Variants in NEGR1 observed in about 807,000 individuals in gnomAD.
The protein encoded by NEGR1 is IgLON family member 4.
NEGR1 carries 10 observed loss-of-function variants against 40.9 expected under a neutral mutation model. That is an observed-to-expected ratio of 0.24 (90% CI 0.15 to 0.42). The LOEUF is 0.42. Among genes scored for constraint, NEGR1 ranks in the 10% least tolerant of loss-of-function variants. The probability of loss-of-function intolerance (pLI) is 1.00; values close to 1 mark genes in which losing one functional copy is unlikely to be tolerated. For synonymous variants in NEGR1, 185 were observed against 166.8 expected, an observed-to-expected ratio of 1.11 and a Z score of -0.84; for missense variants, 352 against 438.9, an observed-to-expected ratio of 0.80 and a Z score of 1.77.
At chr1:72,252,167 G>A (rs1655123204) in intron 1 of NEGR1, among the ~76,000 whole-genome samples, 1 of 126,600 alleles carries the variant, frequency 7.9e-6, no homozygotes, top group African/African-American at 5.7e-5. Flanking sequence ...GTGCAATGGG[G>A]CGATGTAGCT....
intron 6 of NEGR1, among the ~76,000 whole-genome samples, chr1:71,582,636 T>C (rs369635473): frequency 9.9e-5 from 15 of 152,224 alleles, no homozygotes; most frequent in Admixed American, 8.5e-4. Context: ...TCAAAACAAA[T>C]ATGAAAACAA....
chr1:71,906,161 C>A (rs1422709621), intron 2 of NEGR1, among the ~76,000 whole-genome samples: 1 of 152,092 alleles, frequency 6.6e-6, no homozygotes, highest in Non-Finnish European at 1.5e-5. Flanking sequence ...CTGCCCAATT[C>A]ATAAGCCATT....
At chr1:72,201,548 T>G (rs1419401349) in intron 1 of NEGR1, among the ~76,000 whole-genome samples, 1 of 151,832 alleles carries the variant, frequency 6.6e-6, no homozygotes, top group African/African-American at 2.4e-5. Flanking sequence ...TATGGACAGC[T>G]TGGACGAAGT....
intron 1 of NEGR1, among the ~76,000 whole-genome samples, chr1:72,112,993 C>G: frequency 6.6e-6 from 1 of 151,664 alleles, no homozygotes; most frequent in African/African-American, 2.4e-5. Context: ...TTCTTTTTGG[C>G]AAGAAGTCTC....
intron 1 of NEGR1, among the ~76,000 whole-genome samples, chr1:72,221,174 A>G (rs1161770094): frequency 6.6e-6 from 1 of 152,110 alleles, no homozygotes; most frequent in African/African-American, 2.4e-5. Context: ...TCTTATCATC[A>G]TATGGCCTTC....
At chr1:71,962,983 C>T (rs145530484) in intron 1 of NEGR1, among the ~76,000 whole-genome samples, 9 of 152,110 alleles carry the variant, frequency 5.9e-5, no homozygotes, top group Admixed American at 1.3e-4. Flanking sequence ...AATACTCACT[C>T]TTTGTTCTAA....
At chr1:71,681,742 T>C (rs1227955167) in intron 4 of NEGR1, among the ~76,000 whole-genome samples, 2 of 152,190 alleles carry the variant, frequency 1.3e-5, no homozygotes, top group African/African-American at 4.8e-5. Context: ...GAATTATACT[T>C]TATACATTTT....
intron 4 of NEGR1, among the ~76,000 whole-genome samples, chr1:71,640,796 A>G (rs1315786464): frequency 2.0e-5 from 3 of 152,094 alleles, no homozygotes; most frequent in Admixed American, 6.6e-5. Context: ...TATCTTCTCT[A>G]TTAATAGATT....
intron 4 of NEGR1, among the ~76,000 whole-genome samples, chr1:71,618,743 T>C (rs950222519): frequency 1.3e-5 from 2 of 152,134 alleles, no homozygotes; most frequent in Non-Finnish European, 2.9e-5. Flanking sequence ...CCACAGTCCA[T>C]AGAAAAATTG....
intron 6 of NEGR1, among the ~76,000 whole-genome samples, chr1:71,579,558 C>T (rs1275415209): frequency 6.6e-6 from 1 of 150,630 alleles, no homozygotes; most frequent in African/African-American, 2.4e-5. Context: ...AATACAACTA[C>T]TTAAGTTTTT....
chr1:71,683,388 A>G (rs1462702365), intron 4 of NEGR1, among the ~76,000 whole-genome samples: 1 of 152,062 alleles, frequency 6.6e-6, no homozygotes. Flanking sequence ...AATCATTTTT[A>G]TAGTTTCTTA....
intron 1 of NEGR1, among the ~76,000 whole-genome samples, chr1:72,180,663 C>T (rs1652333346): frequency 6.6e-6 from 1 of 152,032 alleles, no homozygotes; most frequent in African/African-American, 2.4e-5. Flanking sequence ...CCCGAACAGA[C>T]ATTTCTCCGA....
At chr1:71,541,170 C>T (rs1194914668) in intron 6 of NEGR1, among the ~76,000 whole-genome samples, 1 of 151,588 alleles carries the variant, frequency 6.6e-6, no homozygotes, top group Admixed American at 6.6e-5. Context: ...CTGCCATAAA[C>T]TAGCTGTGAT....
chr1:71,401,365 C>T lies in NEGR1; in HGVS notation c.*6081G>A, dbSNP rs1455877791. 6.6e-6 allele frequency: 1 copy of T among 152,072 alleles called. No homozygotes were observed. The allele number at this position is 152,072 out of a possible 1,614,324, so 9.4% of individuals were successfully genotyped here. On this transcript the variant is annotated 3_prime_UTR_variant, in exon 7 of 7. Coordinates refer to ENST00000357731, the MANE Select transcript of NEGR1 (RefSeq NM_173808.3). ...TATGTTCTTTAAATTATCCTTTTAT[C>T]TGGTTGTAATGTCTTATCAGGTCCT...
intron 1 of NEGR1, among the ~76,000 whole-genome samples, chr1:72,111,029 G>A (rs1314144975): frequency 6.7e-6 from 1 of 149,178 alleles, no homozygotes; most frequent in Non-Finnish European, 1.5e-5. Context: ...TTATGGAGAA[G>A]GAGAAAAAGG....
chr1:72,172,105 T>C (rs946270849), intron 1 of NEGR1, among the ~76,000 whole-genome samples: 3 of 152,164 alleles, frequency 2.0e-5, no homozygotes, highest in Non-Finnish European at 4.4e-5. Context: ...GGTGGAAGGA[T>C]GGAGAGGTCC....
At chr1:72,169,078 T>C (rs1180324624) in intron 1 of NEGR1, among the ~76,000 whole-genome samples, 1 of 152,180 alleles carries the variant, frequency 6.6e-6, no homozygotes, top group Non-Finnish European at 1.5e-5. Flanking sequence ...AATTTTTAAA[T>C]TTAATATCAT....
At chr1:71,753,436 C>G (rs1261870686) in intron 3 of NEGR1, among the ~76,000 whole-genome samples, 1 of 152,120 alleles carries the variant, frequency 6.6e-6, no homozygotes, top group African/African-American at 2.4e-5. Flanking sequence ...CCACATGAAT[C>G]CTTAAAAGTG....
chr1:71,828,706 C>A (rs536739815), intron 2 of NEGR1, among the ~76,000 whole-genome samples: 1 of 152,050 alleles, frequency 6.6e-6, no homozygotes. Context: ...AGACCAAATT[C>A]TTGAGTTTCT....
Sources: allele counts gnomAD v4.1 joint callset (sites outside exome capture counted in the v4.1 genomes callset), GRCh38; gene constraint gnomAD v4.1.1; transcripts MANE v1.5; gene names NCBI Gene and HGNC (gene_info 2026-07-23, HGNC 2026-07-21).